Variants in GPC6 observed in about 807,000 individuals in gnomAD.
GPC6 encodes glypican-6.
In GPC6, 14 loss-of-function variants were observed where a neutral mutation model predicts 55.2. The ratio of observed to expected loss-of-function variants is 0.25; its 90% confidence interval spans 0.17 to 0.40. GPC6 has a LOEUF of 0.40. Among genes scored for constraint, GPC6 ranks in the 10% least tolerant of loss-of-function variants. The pLI is 1.00. For synonymous variants in GPC6, 278 were observed against 259.6 expected (o/e 1.07, Z -0.68); for missense variants, 641 against 708.5 (o/e 0.90, Z 1.08).
intron 1 of GPC6, among the ~76,000 whole-genome samples, chr13:93,524,037 T>A (rs1164914757): frequency 6.6e-6 from 1 of 152,034 alleles, no homozygotes; most frequent in African/African-American, 2.4e-5. Flanking sequence ...TCATGTATAC[T>A]GGAGCATTCC....
chr13:94,398,975 C>T (rs1251842995), intron 8 of GPC6, among the ~76,000 whole-genome samples: 1 of 152,226 alleles, frequency 6.6e-6, no homozygotes, highest in Non-Finnish European at 1.5e-5. Context: ...TCACTATTCA[C>T]ATCTGACCCA....
intron 3 of GPC6, among the ~76,000 whole-genome samples, chr13:93,860,036 G>C (rs1174375298): frequency 6.6e-6 from 1 of 151,626 alleles, no homozygotes; most frequent in Non-Finnish European, 1.5e-5. Context: ...ACCTTATGGT[G>C]TTAGCTTGTG....
chr13:93,473,552 C>T (rs1443231304), intron 1 of GPC6, among the ~76,000 whole-genome samples: 3 of 152,182 alleles, frequency 2.0e-5, no homozygotes, highest in African/African-American at 7.2e-5. Flanking sequence ...CTGGGACCTG[C>T]ACATGGGAAG....
At chr13:94,359,468 G>A (rs1188303824) in intron 6 of GPC6, among the ~76,000 whole-genome samples, 1 of 152,082 alleles carries the variant, frequency 6.6e-6, no homozygotes. Flanking sequence ...TGAGAGGTTA[G>A]GGTTCCATTC....
chr13:93,720,819 A>G (rs113825279), intron 2 of GPC6, among the ~76,000 whole-genome samples: 1,879 of 152,078 alleles, frequency 0.012, 50 homozygotes, highest in African/African-American at 0.042. Context: ...TAATTTCATT[A>G]TTTACCCGGT....
chr13:93,403,656 G>T (rs1214312235), intron 1 of GPC6, among the ~76,000 whole-genome samples: 1 of 152,122 alleles, frequency 6.6e-6, no homozygotes, highest in African/African-American at 2.4e-5. Context: ...GATCATCTCT[G>T]CTGACCACTT....
At chr13:93,910,405 A>G (rs1264008557) in intron 3 of GPC6, among the ~76,000 whole-genome samples, 1 of 152,074 alleles carries the variant, frequency 6.6e-6, no homozygotes, top group African/African-American at 2.4e-5. Context: ...TTTATAAATT[A>G]TCTAGTCTCA....
intron 1 of GPC6, among the ~76,000 whole-genome samples, chr13:93,290,876 G>T (rs1878297240): frequency 6.6e-6 from 1 of 152,070 alleles, no homozygotes; most frequent in Non-Finnish European, 1.5e-5. Context: ...AAAAAGACAT[G>T]CATAAAAACA....
chr13:93,608,542 C>G lies in GPC6; in HGVS notation c.319+63121C>G, dbSNP rs144929247. ...TTGCTGAAATTAGTGTTAACATTCACTTTCAATCTTTTCATGTTGACCCAA... is the reference window on the plus strand; with the variant it reads ...TTGCTGAAATTAGTGTTAACATTCAGTTTCAATCTTTTCATGTTGACCCAA... On this transcript the variant is annotated intron_variant, in intron 2 of 8. Transcript: ENST00000377047. Among the ~76,000 whole-genome samples, 26 of 152,298 alleles carry G rather than the reference C, an allele frequency of 1.7e-4. No homozygotes were observed. The East Asian group carries it at 5.0e-3, about 29-fold the overall frequency.
At chr13:94,137,535 C>T (rs1265506855) in intron 4 of GPC6, among the ~76,000 whole-genome samples, 1 of 152,066 alleles carries the variant, frequency 6.6e-6, no homozygotes, top group Non-Finnish European at 1.5e-5. Flanking sequence ...AAAGACTTTC[C>T]AGGCAGAGAC....
At chr13:93,285,543 C>T (rs970055620) in intron 1 of GPC6, among the ~76,000 whole-genome samples, 1 of 151,070 alleles carries the variant, frequency 6.6e-6, no homozygotes, top group Non-Finnish European at 1.5e-5. Context: ...TTCAAAAAGC[C>T]AATTTGTATA....
intron 4 of GPC6, among the ~76,000 whole-genome samples, chr13:94,059,409 C>A (rs1291129696): frequency 1.3e-5 from 2 of 152,050 alleles, no homozygotes; most frequent in African/African-American, 4.8e-5. Flanking sequence ...TGCAGCCCCT[C>A]ATCCTTGTCT....
At chr13:94,196,739 A>G (rs997337533) in intron 4 of GPC6, among the ~76,000 whole-genome samples, 1 of 152,192 alleles carries the variant, frequency 6.6e-6, no homozygotes, top group Admixed American at 6.5e-5. Context: ...TTTCTTAAAC[A>G]TGCCTTTATT....
At chr13:94,360,309 C>G (rs1316471548) in intron 6 of GPC6, among the ~76,000 whole-genome samples, 3 of 152,124 alleles carry the variant, frequency 2.0e-5, no homozygotes, top group Admixed American at 6.6e-5. Context: ...ATAGTTAAGA[C>G]AGATGATAGA....
At chr13:93,895,937 A>G (rs1252577649) in intron 3 of GPC6, among the ~76,000 whole-genome samples, 2 of 152,074 alleles carry the variant, frequency 1.3e-5, no homozygotes, top group African/African-American at 4.8e-5. Flanking sequence ...ACAAAAGTCC[A>G]GTTAGATAGA....
In GPC6 at chr13:93,341,091, G is replaced by A. The variant is rs542207878; in HGVS notation, c.160+113475G>A. Among the ~76,000 whole-genome samples the A allele has an allele frequency of 4.6e-5, 7 of 152,132 alleles. No homozygotes were observed. The East Asian group carries it at 9.7e-4, about 21-fold the overall frequency. On this transcript the variant is annotated intron_variant, in intron 1 of 8. Transcript: ENST00000377047. The stretch of plus-strand genomic sequence containing the variant: ...TGCTGCAAAATACATTATTTCATTC[G>A]TTTTTATAGCTGAGCAGTATTCCAT...
chr13:93,552,150 C>T (rs1048784186), intron 2 of GPC6, among the ~76,000 whole-genome samples: 2 of 152,174 alleles, frequency 1.3e-5, no homozygotes, highest in Non-Finnish European at 2.9e-5. Context: ...GAAGGACACT[C>T]TTCTTGAAAT....
intron 5 of GPC6, among the ~76,000 whole-genome samples, chr13:94,296,065 G>C (rs1482658649): frequency 6.6e-6 from 1 of 152,050 alleles, no homozygotes; most frequent in Non-Finnish European, 1.5e-5. Context: ...TGGATAACAG[G>C]GTCAGATTTT....
Position 94,185,925 on chromosome 13 carries a change from T to C in GPC6, c.878-100424T>C, listed in dbSNP as rs1594035374. 2.0e-5 allele frequency among the ~76,000 whole-genome samples: 3 copies of C among 151,920 alleles called. No individual in the cohort carries two copies. The East Asian group carries it at 5.8e-4, about 30-fold the overall frequency. On this transcript the variant is annotated intron_variant, in intron 4 of 8. Transcript: ENST00000377047. The stretch of plus-strand genomic sequence containing the variant: ...AATACAAAAAATTAGCCGGGCTTGG[T>C]GGCAGGCCCCTGTAGTCCCAGCTAC...
Sources: gnomAD v4.1 joint callset for allele counts (sites outside exome capture counted in the v4.1 genomes callset) on GRCh38, gnomAD v4.1.1 for gene constraint, MANE v1.5 for transcripts, NCBI Gene and HGNC (gene_info 2026-07-23, HGNC 2026-07-21) for gene names.